The following ATP5F1A variants were observed in gnomAD, a reference collection of about 807,000 sequenced individuals.
ATP5F1A encodes the protein ATP synthase F1 subunit alpha, also known as ATP synthase F(1) complex subunit alpha, mitochondrial.
In ATP5F1A, 24 loss-of-function variants were observed where a neutral mutation model predicts 57.4. That is an observed-to-expected ratio of 0.42 (90% CI 0.30 to 0.59). The LOEUF (loss-of-function observed/expected upper bound fraction) is 0.59, where lower values mean the gene tolerates loss of function less well. ATP5F1A is among the 20% of genes least tolerant of loss of function. The pLI is 0.19. For missense variants in ATP5F1A, 494 were observed against 707.9 expected (o/e 0.70, Z 3.43); for synonymous variants, 251 against 255.5 (o/e 0.98, Z 0.17).
intron 1 of ATP5F1A, among the ~76,000 whole-genome samples, chr18:46,095,894 T>A (rs558964490): frequency 1.8e-4 from 27 of 152,082 alleles, no homozygotes; most frequent in African/African-American, 6.5e-4. Flanking sequence ...ACACACATTT[T>A]TTTTTTCCTT....
rs148515768 is a variant in ATP5F1A, at chr18:46,089,890, T to C, written c.416A>G (p.Asp139Gly). The change falls in exon 4 of 12, where the codon GAC (aspartate) becomes GGC (glycine). Residue 139 changes from aspartate (D) to glycine (G), a missense_variant. Around this residue, in one of 6 missense-constraint regions of ATP5F1A, gnomAD observed 191 missense variants for 267.7 expected, o/e 0.71. Transcript: ENST00000398752. ...DIVKRTGAIVDVPVGEELLGR... is the reference protein window; with the variant it reads ...DIVKRTGAIVGVPVGEELLGR... ...CAACAGCTCCTCACCAACTGGAACG[T>C]CCACAATGGCTCCTGTCCTCTTCAC... 1,256 of 1,613,902 alleles carry C rather than the reference T, an allele frequency of 7.8e-4. 1 individual carries two copies. The highest frequency in any genetic ancestry group is 9.8e-4 in the Non-Finnish European group (1,158 of 1,179,986).
chr18:46,085,019 G>C, intron 10 of ATP5F1A: 1 of 161,668 alleles, frequency 6.2e-6, no homozygotes, highest in Non-Finnish European at 1.3e-5. Flanking sequence ...ATATAGCCAA[G>C]TGGGGGAGGG....
chr18:46,097,703 C>T, intron 1 of ATP5F1A: 2 of 537,962 alleles, frequency 3.7e-6, no homozygotes, highest in Non-Finnish European at 4.8e-6. Context: ...GAGCTCCAGG[C>T]AGAGGTGAAA....
chr18:46,089,917 A>T lies in ATP5F1A; in HGVS notation c.389T>A (p.Ile130Lys), dbSNP rs563376014. ...CACAATGGCTCCTGTCCTCTTCACT[A>T]TATCTCCTTCCTTAATTAGTTTATC... Reference protein sequence around the residue: ...GNDKLIKEGDIVKRTGAIVDV... With the variant: ...GNDKLIKEGDKVKRTGAIVDV... Residue 130 changes from isoleucine (I) to lysine (K), a missense_variant, in exon 4 of 12, where the codon ATA becomes AAA. Ile to Lys is a moderately radical substitution (Grantham distance 102). Coordinates refer to ENST00000398752, the MANE Select transcript of ATP5F1A (RefSeq NM_004046.6). 1.2e-6 allele frequency: 2 copies of T among 1,613,744 alleles called. No individual in the cohort carries two copies. Among genetic ancestry groups the T allele is most frequent in the Non-Finnish European group, 1.7e-6 (2 of 1,179,900 alleles).
chr18:46,085,425 T>TC (rs1910014718), intron 10 of ATP5F1A: 1 of 147,964 alleles, frequency 6.8e-6, no homozygotes, highest in African/African-American at 2.5e-5. Context: ...GGCCAGGAGT[T>TC]CAAGACCAGC....
chr18:46,099,199 G>C (rs1599796378), upstream of ATP5F1A: 1 of 152,186 alleles, frequency 6.6e-6, no homozygotes. Flanking sequence ...GATAGGACGA[G>C]GACTCGCTTT....
chr18:46,083,017 T>C lies in ATP5F1A; in HGVS notation c.*1265A>G, dbSNP rs1043587690. 1.1e-4 allele frequency: 17 copies of C among 152,154 alleles called. No individual in the cohort carries two copies. The highest frequency in any genetic ancestry group is 3.9e-4 in the African/African-American group (16 of 41,402). The allele number at this position is 152,154 out of a possible 1,614,324, so 9.4% of individuals were successfully genotyped here. The stretch of plus-strand genomic sequence containing the variant: ...GTGAGCTGAGATTACGCCACTGCTC[T>C]CCAGCCTAGGTGACAGAGCAAGACT... On this transcript the variant is annotated 3_prime_UTR_variant, in exon 12 of 12. Transcript: ENST00000398752.
chr18:46,085,004 T>C (rs8088881), intron 10 of ATP5F1A: 66,479 of 171,728 alleles, frequency 0.39, 13,312 homozygotes, highest in Middle Eastern at 0.51. Flanking sequence ...CCAAATTACA[T>C]ATTCATATAG....
upstream of ATP5F1A, among the ~76,000 whole-genome samples, chr18:46,101,167 CCT>C (rs1175227039): frequency 6.6e-5 from 10 of 152,262 alleles, no homozygotes; most frequent in East Asian, 1.7e-3. Flanking sequence ...TGTTATGTGC[CCT>C]GAGTGCTTTT....
Position 46,095,090 on chromosome 18 carries a change from C to T in ATP5F1A, c.102G>A (p.Arg34=). ...NALGSSFIAA[R]NFHASNTHLQ... ...GATGAGTGTTAGAGGCATGGAAGTTCCTTGCAGCAATGAAAGATGAACCCA... is the reference window on the plus strand; with the variant it reads ...GATGAGTGTTAGAGGCATGGAAGTTTCTTGCAGCAATGAAAGATGAACCCA... The change falls in exon 2 of 12, where the codon AGG becomes AGA. Residue 34 remains arginine, a synonymous_variant. Transcript: ENST00000398752. 1 of 1,613,570 alleles carries T rather than the reference C, an allele frequency of 6.2e-7. No homozygotes were observed. The highest frequency in any genetic ancestry group is 1.3e-5 in the African/African-American group (1 of 74,948).
chr18:46,089,568 A>G lies in ATP5F1A; in HGVS notation c.648T>C (p.Thr216=), dbSNP rs1910391392. The G allele has an allele frequency of 6.2e-7, 1 of 1,613,474 alleles. No individual in the cohort carries two copies. The highest frequency in any genetic ancestry group is 8.5e-7 in the Non-Finnish European group (1 of 1,179,864). ...QRELIIGDRQ[T]GKTSIAIDTI... The stretch of plus-strand genomic sequence containing the variant: ...TTAATATGCTTTTGAGTCTTTACCC[A>G]GTCTGTCGGTCACCAATAATCAGTT... The change falls in exon 5 of 12, where the codon ACT becomes ACC. Residue 216 remains threonine, a splice_region_variant and synonymous_variant. Coordinates refer to ENST00000398752, the MANE Select transcript of ATP5F1A (RefSeq NM_004046.6).
intron 5 of ATP5F1A, 130 bp downstream of exon 5, chr18:46,089,436 G>T: frequency 8.5e-7 from 1 of 1,176,508 alleles, no homozygotes; most frequent in Non-Finnish European, 1.2e-6. Flanking sequence ...CTTCCCAGCT[G>T]AAATTTTACT....
In ATP5F1A at chr18:46,086,453, A is replaced by G. The variant is rs774274625; in HGVS notation, c.1218T>C (p.Pro406=). 1 of 1,614,206 alleles carries G rather than the reference A, an allele frequency of 6.2e-7. No individual in the cohort carries two copies. The highest frequency in any genetic ancestry group is 2.2e-5 in the East Asian group (1 of 44,886). Residue 406 remains proline, a synonymous_variant, in exon 9 of 12, where the codon CCT becomes CCC. Transcript: ENST00000398752. ...ATACAGACAGACCAACGTTAATTGCAGGGCGGATACCTTTGTAGAACAATT... is the reference window on the plus strand; with the variant it reads ...ATACAGACAGACCAACGTTAATTGCGGGGCGGATACCTTTGTAGAACAATT... The part of the protein sequence containing the change: ...ETELFYKGIR[P]AINVGLSVSR...
chr18:46,090,454 C>T (rs1800636), intron 3 of ATP5F1A, among the ~76,000 whole-genome samples: 58,419 of 151,644 alleles, frequency 0.39, 11,592 homozygotes, highest in Middle Eastern at 0.53. Flanking sequence ...CTGTACTCTT[C>T]GAGTTAGTAG....
chr18:46,103,863 G>A (rs906980729), intron 1 of ATP5F1A, among the ~76,000 whole-genome samples: 9 of 151,572 alleles, frequency 5.9e-5, no homozygotes, highest in Middle Eastern at 3.2e-3. Context: ...GCAGTGAGCC[G>A]AGATCATGCC....
chr18:46,087,810 G>GCAGAC, intron 6 of ATP5F1A: 1 of 436,948 alleles, frequency 2.3e-6, no homozygotes, highest in South Asian at 2.8e-5. Flanking sequence ...AACCCAGGAG[G>GCAGAC]CAGAGGTTGC....
At chr18:46,086,620 A>C in intron 8 of ATP5F1A, 126 bp from the exon 9 acceptor site, 2 of 834,456 alleles carry the variant, frequency 2.4e-6, no homozygotes, top group Non-Finnish European at 3.7e-6. Flanking sequence ...AGTACCCCAA[A>C]TCTTTCACGA....
chr18:46,086,844 G>T, intron 8 of ATP5F1A, 164 bp downstream of exon 8: 1 of 732,350 alleles, frequency 1.4e-6, no homozygotes, highest in Non-Finnish European at 2.2e-6. Flanking sequence ...CAGATACATG[G>T]GGTTTCACTA....
chr18:46,086,950 A>C (rs1434099688), intron 8 of ATP5F1A, 58 bp downstream of exon 8: 6 of 1,556,270 alleles, frequency 3.9e-6, no homozygotes, highest in Non-Finnish European at 5.3e-6. Flanking sequence ...AGTCTCAACC[A>C]ATGCCTTAGA....
Sources: gnomAD v4.1 joint callset for allele counts (sites outside exome capture counted in the v4.1 genomes callset) on GRCh38, gnomAD v4.1.1 for gene constraint, gnomAD v4.1.1 regional missense constraint, MANE v1.5 for transcripts, NCBI Gene and HGNC (gene_info 2026-07-23, HGNC 2026-07-21) for gene names.